LRPPRC: variants seen among roughly 807,000 people sequenced by gnomAD.
LRPPRC encodes the protein leucine-rich PPR motif-containing protein, mitochondrial.
A neutral mutation model predicts 180.3 loss-of-function variants in LRPPRC; 120 were observed. The ratio of observed to expected loss-of-function variants is 0.67; its 90% CI spans 0.57 to 0.77. The LOEUF (loss-of-function observed/expected upper bound fraction) is 0.77, where lower values mean the gene tolerates loss of function less well. Ranked by LOEUF, LRPPRC falls within the 30% of genes least tolerant of loss-of-function variation. LRPPRC has a pLI of 0.00. For synonymous variants in LRPPRC, 723 were observed against 600.0 expected, an observed-to-expected ratio of 1.21 and a Z score of -3.00; for missense variants, 2,012 against 1,657.2, an observed-to-expected ratio of 1.21 and a Z score of -3.72.
In LRPPRC at chr2:43,982,211, C is replaced by T. The variant is rs1332068288; in HGVS notation, c.346+27G>A. 2.0e-6 allele frequency: 3 copies of T among 1,526,568 alleles called. No homozygotes were observed. The African/African-American group carries it at 4.2e-5, about 21-fold the overall frequency. 94.6% of individuals were successfully genotyped at this position (1,526,568 alleles called of 1,614,324 possible). On this transcript the variant is annotated intron_variant, in intron 2 of 37. Coordinates refer to ENST00000260665, the MANE Select transcript of LRPPRC (RefSeq NM_133259.4). The stretch of plus-strand genomic sequence containing the variant: ...GCCACTGTGACCAGCCAAAAGTCAA[C>T]TTTATGAACAGGAAATTTTGAAATA...
chr2:43,919,840 T>A (rs1671632581), intron 27 of LRPPRC, among the ~76,000 whole-genome samples: 1 of 152,028 alleles, frequency 6.6e-6, no homozygotes, highest in Non-Finnish European at 1.5e-5. Context: ...ATCTGGATTG[T>A]GTGGCATCCA....
intron 30 of LRPPRC, among the ~76,000 whole-genome samples, chr2:43,910,224 T>A (rs1671208005): frequency 7.1e-6 from 1 of 140,216 alleles, no homozygotes; most frequent in African/African-American, 2.8e-5. Flanking sequence ...CAAGGAAACC[T>A]TTACATCTCT....
At chr2:43,890,074 T>TCAAAG (rs1558885342) in intron 36 of LRPPRC, 198 bp from the exon 37 acceptor site, 1 of 609,692 alleles carries the variant, frequency 1.6e-6, no homozygotes, top group Non-Finnish European at 3.0e-6. Context: ...ATCACTCACT[T>TCAAAG]TGAAGGAGAA....
rs1136998 is a variant in LRPPRC at position 43,888,044 on chromosome 2, T to A, written c.*556A>T. Reference sequence around the variant, plus strand: ...CCTCCAGGCATGACAGACAGTCCCCTGACCAAGCACAAGTAACAGGCCCTT... The same window carrying A: ...CCTCCAGGCATGACAGACAGTCCCCAGACCAAGCACAAGTAACAGGCCCTT... On this transcript the variant is annotated 3_prime_UTR_variant, in exon 38 of 38. Transcript: ENST00000260665. 11,777 of 156,414 alleles carry A rather than the reference T, an allele frequency of 0.075. 580 individuals carry two copies. Among genetic ancestry groups the A allele is most frequent in the South Asian group, 0.14 (726 of 5,122 alleles). 9.7% of individuals were successfully genotyped at this position (156,414 alleles called of 1,614,324 possible). A position where few individuals can be genotyped will look rare whatever the true frequency, so the allele number is the denominator to read the frequency against.
intron 1 of LRPPRC, among the ~76,000 whole-genome samples, chr2:43,995,457 G>A (rs192445455): frequency 4.8e-4 from 73 of 152,314 alleles, no homozygotes; most frequent in South Asian, 1.9e-3. Context: ...CTGGCCAAGT[G>A]TAAGGAAAAG....
At chr2:43,976,287 C>G in intron 5 of LRPPRC, 58 bp from the exon 6 acceptor site, 1 of 934,572 alleles carries the variant, frequency 1.1e-6, no homozygotes, top group Non-Finnish European at 1.8e-6. Flanking sequence ...CTCTTTACAA[C>G]ATGTACAGAA....
At chr2:43,943,549 C>G (rs1672566294) in intron 23 of LRPPRC, 138 bp downstream of exon 23, 1 of 708,576 alleles carries the variant, frequency 1.4e-6, no homozygotes, top group African/African-American at 1.8e-5. Context: ...TCACCTAGTT[C>G]ATATTAGCCC....
At chr2:43,960,382 C>G (rs1401897048) in intron 13 of LRPPRC, among the ~76,000 whole-genome samples, 159 bp downstream of exon 13, 1 of 152,122 alleles carries the variant, frequency 6.6e-6, no homozygotes, top group Non-Finnish European at 1.5e-5. Context: ...AAATTACTTC[C>G]AAATTATCCA....
intron 29 of LRPPRC, among the ~76,000 whole-genome samples, chr2:43,914,282 C>T (rs920845240): frequency 6.6e-6 from 1 of 152,134 alleles, no homozygotes; most frequent in East Asian, 1.9e-4. Flanking sequence ...AACCCATTCA[C>T]CGCACGTTTG....
intron 31 of LRPPRC, chr2:43,903,028 G>C (rs967336276): frequency 2.6e-5 from 4 of 152,156 alleles, no homozygotes; most frequent in African/African-American, 9.7e-5. Flanking sequence ...CATATTTTTA[G>C]ACAAGACTCG....
At chr2:43,909,081 C>T (rs1671163073) in intron 30 of LRPPRC, among the ~76,000 whole-genome samples, 2 of 152,138 alleles carry the variant, frequency 1.3e-5, no homozygotes, top group East Asian at 1.9e-4. Flanking sequence ...AAACAGGAAC[C>T]GAACCCACAA....
intron 23 of LRPPRC, among the ~76,000 whole-genome samples, chr2:43,935,705 C>T (rs1158900196): frequency 2.0e-5 from 3 of 152,120 alleles, no homozygotes; most frequent in Non-Finnish European, 4.4e-5. Context: ...TTTACTTTAA[C>T]CCTGTCTTTA....
intron 25 of LRPPRC, among the ~76,000 whole-genome samples, chr2:43,932,987 A>G (rs1181064772): frequency 6.6e-6 from 1 of 152,160 alleles, no homozygotes; most frequent in Non-Finnish European, 1.5e-5. Flanking sequence ...CCTACAGAGG[A>G]GCAGAACTCA....
At chr2:43,938,952 C>T (rs906880755) in intron 23 of LRPPRC, among the ~76,000 whole-genome samples, 1 of 152,026 alleles carries the variant, frequency 6.6e-6, no homozygotes, top group Non-Finnish European at 1.5e-5. Context: ...AAGTAACTTT[C>T]TAATCCCAGA....
At chr2:43,912,664 T>C in intron 29 of LRPPRC, 106 bp from the exon 30 acceptor site, 5 of 845,716 alleles carry the variant, frequency 5.9e-6, no homozygotes, top group Non-Finnish European at 9.8e-6. Flanking sequence ...TTTTTGCTTT[T>C]TAATACCAAC....
chr2:43,989,874 G>A (rs1468244835), intron 1 of LRPPRC, among the ~76,000 whole-genome samples: 1 of 152,186 alleles, frequency 6.6e-6, no homozygotes, highest in African/African-American at 2.4e-5. Context: ...ACCCACGGAA[G>A]TTGAAATGTT....
intron 14 of LRPPRC, among the ~76,000 whole-genome samples, chr2:43,952,108 G>T (rs1204574711): frequency 6.6e-6 from 1 of 152,056 alleles, no homozygotes; most frequent in African/African-American, 2.4e-5. Flanking sequence ...CAGGAGAATC[G>T]CTTGAACCCG....
chr2:43,993,769 G>C (rs1674893385), intron 1 of LRPPRC, among the ~76,000 whole-genome samples: 1 of 151,360 alleles, frequency 6.6e-6, no homozygotes, highest in African/African-American at 2.4e-5. Flanking sequence ...AATAAGTAAT[G>C]ATATCAGACA....
At chr2:43,920,722 T>C (rs1053015204) in intron 27 of LRPPRC, among the ~76,000 whole-genome samples, 1 of 152,082 alleles carries the variant, frequency 6.6e-6, no homozygotes, top group African/African-American at 2.4e-5. Flanking sequence ...GAATCTTTAT[T>C]CTGCAGTGGA....
Sources: gnomAD v4.1 joint callset for allele counts (sites outside exome capture counted in the v4.1 genomes callset) on GRCh38, gnomAD v4.1.1 for gene constraint, MANE v1.5 for transcripts, NCBI Gene and HGNC (gene_info 2026-07-23, HGNC 2026-07-21) for gene names.